Variants in CCBE1 observed in about 807,000 individuals in gnomAD.
CCBE1 encodes the protein collagen and calcium binding EGF domains 1.
Under a neutral mutation model 50.0 loss-of-function variants are expected in CCBE1, and 37 were observed. The ratio of observed to expected loss-of-function variants is 0.74; its 90% CI spans 0.57 to 0.97. CCBE1 has a LOEUF of 0.97. CCBE1 is among the 50% of genes least tolerant of loss of function. CCBE1 has a pLI of 0.00. For missense variants in CCBE1, 538 were observed against 523.8 expected, an observed-to-expected ratio of 1.03 and a Z score of -0.26; for synonymous variants, 234 against 203.7, an observed-to-expected ratio of 1.15 and a Z score of -1.27.
chr18:59,601,449 G>C (rs1175041544), intron 2 of CCBE1, among the ~76,000 whole-genome samples: 1 of 152,076 alleles, frequency 6.6e-6, no homozygotes, highest in East Asian at 1.9e-4. Context: ...ACGTGCCTTT[G>C]CTCCTCCTTC....
At chr18:59,546,766 C>A (rs1487775804) in intron 2 of CCBE1, among the ~76,000 whole-genome samples, 2 of 152,072 alleles carry the variant, frequency 1.3e-5, no homozygotes, top group African/African-American at 4.8e-5. Context: ...GCAAAAGTGA[C>A]ATAGTCAAAT....
intron 1 of CCBE1, 56 bp downstream of exon 1, chr18:59,697,156 G>T: frequency 6.5e-7 from 1 of 1,545,364 alleles, no homozygotes; most frequent in Non-Finnish European, 8.7e-7. Flanking sequence ...CGCACCCCGC[G>T]AGCCGGGCGC....
In CCBE1 at chr18:59,697,408, G is replaced by C. The variant is rs1222770326; in HGVS notation, c.-66C>G. 5 of 1,509,852 alleles carry C rather than the reference G, an allele frequency of 3.3e-6. No homozygotes were observed. In the East Asian group the frequency reaches 9.9e-5, roughly 30 times the overall value. 93.5% of individuals were successfully genotyped at this position (1,509,852 alleles called of 1,614,324 possible). On this transcript the variant is annotated 5_prime_UTR_variant, in exon 1 of 11. Coordinates refer to ENST00000439986, the MANE Select transcript of CCBE1 (RefSeq NM_133459.4). ...CGGACCAAGCGTCCTGCTCCTCCGCGGCCGCCGCCGCCTTCCCTCTTCCCG... is the reference window on the plus strand; with the variant it reads ...CGGACCAAGCGTCCTGCTCCTCCGCCGCCGCCGCCGCCTTCCCTCTTCCCG...
chr18:59,616,742 G>A (rs1194609827), intron 2 of CCBE1, among the ~76,000 whole-genome samples: 2 of 152,196 alleles, frequency 1.3e-5, no homozygotes, highest in African/African-American at 2.4e-5. Flanking sequence ...TCCCAGAAAC[G>A]GATTCTTAAG....
intron 2 of CCBE1, among the ~76,000 whole-genome samples, chr18:59,584,684 G>A (rs714807): frequency 0.035 from 5,273 of 152,070 alleles, 318 homozygotes; most frequent in African/African-American, 0.12. Flanking sequence ...TCTTGCTTGT[G>A]CTTCACCATG....
intron 2 of CCBE1, among the ~76,000 whole-genome samples, chr18:59,690,625 T>C (rs1423860526): frequency 6.6e-6 from 1 of 152,282 alleles, no homozygotes. Context: ...CCATAGGAAG[T>C]TGGGCAGCAA....
chr18:59,475,952 C>T (rs1439285354), intron 3 of CCBE1, among the ~76,000 whole-genome samples: 1 of 152,194 alleles, frequency 6.6e-6, no homozygotes, highest in Non-Finnish European at 1.5e-5. Flanking sequence ...CTCCTGACCT[C>T]AGGTGATCCG....
intron 2 of CCBE1, among the ~76,000 whole-genome samples, chr18:59,679,520 CAT>C (rs148710218): frequency 0.013 from 2,031 of 152,242 alleles, 38 homozygotes; most frequent in African/African-American, 0.047. Flanking sequence ...ATGAAACAAA[CAT>C]AGCAGAATTT....
intron 2 of CCBE1, among the ~76,000 whole-genome samples, chr18:59,530,542 G>A (rs1915007005): frequency 6.6e-6 from 1 of 151,604 alleles, no homozygotes; most frequent in African/African-American, 2.4e-5. Context: ...TACAGGACAT[G>A]CCATTATCTC....
intron 3 of CCBE1, among the ~76,000 whole-genome samples, chr18:59,471,989 C>T (rs570656377): frequency 6.6e-6 from 1 of 152,334 alleles, no homozygotes; most frequent in South Asian, 2.1e-4. Flanking sequence ...ATAGTGAGCT[C>T]CTGTGTCTAC....
At chr18:59,594,909 C>G (rs948996380) in intron 2 of CCBE1, among the ~76,000 whole-genome samples, 1 of 151,958 alleles carries the variant, frequency 6.6e-6, no homozygotes. Flanking sequence ...GTCAAGAGAA[C>G]AAGATCAGCC....
Position 59,435,886 on chromosome 18 carries a change from G to A in CCBE1, c.*22C>T, listed in dbSNP as rs753348176. On this transcript the variant is annotated 3_prime_UTR_variant, in exon 11 of 11. Coordinates refer to ENST00000439986, the MANE Select transcript of CCBE1 (RefSeq NM_133459.4). ...GGTGAGTTGATCTTTCTCTTCCTTT[G>A]GCGTGACGGTGTTGGGATGTGCTAT... 1 of 1,593,638 alleles carries A rather than the reference G, an allele frequency of 6.3e-7. No homozygotes were observed. The highest frequency in any genetic ancestry group is 2.2e-5 in the East Asian group (1 of 44,754).
chr18:59,604,240 A>ACC (rs1329558197), intron 2 of CCBE1, among the ~76,000 whole-genome samples: 1 of 152,154 alleles, frequency 6.6e-6, no homozygotes, highest in Admixed American at 6.5e-5. Flanking sequence ...GCAGCATGCT[A>ACC]CCCTCTTCAT....
At chr18:59,695,857 G>A (rs2054797301) in intron 2 of CCBE1, among the ~76,000 whole-genome samples, 1 of 152,074 alleles carries the variant, frequency 6.6e-6, no homozygotes, top group Admixed American at 6.6e-5. Context: ...AACGTTTATG[G>A]GTGCATGTTC....
chr18:59,496,135 C>T (rs899246753), intron 2 of CCBE1, among the ~76,000 whole-genome samples: 1 of 152,158 alleles, frequency 6.6e-6, no homozygotes, highest in African/African-American at 2.4e-5. Flanking sequence ...AGTCTGATCC[C>T]TGACAATTAC....
intron 2 of CCBE1, among the ~76,000 whole-genome samples, chr18:59,605,883 A>C (rs1452444456): frequency 6.6e-6 from 1 of 152,096 alleles, no homozygotes. Context: ...TGGGAGGAAA[A>C]GGTGAAGGTG....
chr18:59,518,873 G>A (rs1422334622), intron 2 of CCBE1, among the ~76,000 whole-genome samples: 2 of 152,112 alleles, frequency 1.3e-5, no homozygotes, highest in African/African-American at 4.8e-5. Context: ...ACCTCCCTGG[G>A]AACAGCCCTG....
chr18:59,602,556 T>C (rs1167049354), intron 2 of CCBE1, among the ~76,000 whole-genome samples: 1 of 152,060 alleles, frequency 6.6e-6, no homozygotes, highest in African/African-American at 2.4e-5. Context: ...AAACAGAAAA[T>C]ACATATAATA....
intron 2 of CCBE1, among the ~76,000 whole-genome samples, chr18:59,546,297 C>G (rs562531745): frequency 4.9e-4 from 74 of 152,350 alleles, no homozygotes; most frequent in African/African-American, 1.8e-3. Flanking sequence ...CTGTAGTAGA[C>G]TGTTACACGG....
Sources: gnomAD v4.1 joint callset for allele counts (sites outside exome capture counted in the v4.1 genomes callset) on GRCh38, gnomAD v4.1.1 for gene constraint, MANE v1.5 for transcripts, NCBI Gene and HGNC (gene_info 2026-07-23, HGNC 2026-07-21) for gene names.